The following SMC6 variants were observed in gnomAD, a reference collection of about 807,000 sequenced individuals.
SMC6 encodes the protein structural maintenance of chromosomes 6.
Under a neutral mutation model 142.2 loss-of-function variants are expected in SMC6, and 79 were observed. The observed-to-expected ratio is 0.56, with a 90% CI of 0.46 to 0.67. SMC6 has a LOEUF of 0.67. Ranked by LOEUF, SMC6 falls within the 30% of genes least tolerant of loss-of-function variation. The probability of loss-of-function intolerance (pLI) is 0.00; values close to 1 mark genes in which losing one functional copy is unlikely to be tolerated. For missense variants in SMC6, 1,072 were observed against 1,284.0 expected, an observed-to-expected ratio of 0.83 and a Z score of 2.52; for synonymous variants, 411 against 412.4, an observed-to-expected ratio of 1.00 and a Z score of 0.04.
Position 17,692,896 on chromosome 2 carries a change from G to A in SMC6, c.2678+2256C>T, listed in dbSNP as rs187977879. On this transcript the variant is annotated intron_variant, in intron 23 of 27. Transcript: ENST00000448223. ...CAACCCCATCAACAAGTGGGCGAAG[G>A]ATATGAACAGACACTTCTCAAAAGA... 4.7e-3 allele frequency among the ~76,000 whole-genome samples: 717 copies of A among 152,224 alleles called. 8 individuals are homozygous for A. The highest frequency in any genetic ancestry group is 0.016 in the African/African-American group (673 of 41,546).
At chr2:17,752,273 T>G (rs575468610) in intron 2 of SMC6, among the ~76,000 whole-genome samples, 1 of 152,324 alleles carries the variant, frequency 6.6e-6, no homozygotes, top group South Asian at 2.1e-4. Context: ...AAAAGTTATC[T>G]CTAGATTACT....
At chr2:17,705,659 G>T (rs1181031335) in intron 18 of SMC6, among the ~76,000 whole-genome samples, 1 of 152,108 alleles carries the variant, frequency 6.6e-6, no homozygotes, top group Non-Finnish European at 1.5e-5. Flanking sequence ...AGACAATATT[G>T]TCATTATACA....
At chr2:17,684,850 C>T (rs575230903) in intron 23 of SMC6, among the ~76,000 whole-genome samples, 2 of 152,000 alleles carry the variant, frequency 1.3e-5, no homozygotes, top group Non-Finnish European at 2.9e-5. Context: ...AACAAACAAA[C>T]AAACACGAAC....
chr2:17,731,636 A>T, intron 6 of SMC6, 105 bp downstream of exon 6: 1 of 1,132,220 alleles, frequency 8.8e-7, no homozygotes, highest in Non-Finnish European at 1.3e-6. Context: ...GCACACAACC[A>T]ATCATGTTAC....
At chr2:17,745,383 G>T (rs1301195154) in intron 3 of SMC6, among the ~76,000 whole-genome samples, 2 of 152,102 alleles carry the variant, frequency 1.3e-5, no homozygotes, top group Non-Finnish European at 2.9e-5. Context: ...TAGTTATAGG[G>T]CTATTCAGAT....
At position 17,694,206 on chromosome 2, in the gene SMC6, G is replaced by A. The variant is rs568664380; in HGVS notation, c.2678+946C>T. The stretch of plus-strand genomic sequence containing the variant: ...CAGAGGCTGCAAAGGGTGTGTGTCA[G>A]TGGGATGGGAGGGGTAATTAAAAGA... On this transcript the variant is annotated intron_variant, in intron 23 of 27. Transcript: ENST00000448223. Among the ~76,000 whole-genome samples the A allele has an allele frequency of 2.8e-4, 42 of 152,212 alleles. 1 individual carries two copies. In the South Asian group the frequency reaches 8.7e-3, roughly 32 times the overall value.
chr2:17,716,848 T>C lies in SMC6; in HGVS notation c.1239A>G (p.Leu413=). The C allele has an allele frequency of 1.9e-6, 3 of 1,613,148 alleles. No individual in the cohort carries two copies. The highest frequency in any genetic ancestry group is 2.5e-6 in the Non-Finnish European group (3 of 1,179,734). Residue 413 remains leucine (L), a synonymous_variant, in exon 14 of 28, where the codon TTA becomes TTG. Coordinates refer to ENST00000448223, the MANE Select transcript of SMC6 (RefSeq NM_001142286.2). ...TTTGAAAGGCCTTTACTCTCTCTTT[T>C]AACCAAGATATTTTTTTTTGTCTTT... is the stretch of plus-strand genomic sequence containing the variant. ...RLERQKKISW[L]KERVKAFQNQ...
intron 16 of SMC6, among the ~76,000 whole-genome samples, chr2:17,714,076 ATTTTTTGTT>A (rs1168766930): frequency 3.8e-4 from 54 of 143,334 alleles, no homozygotes; most frequent in African/African-American, 1.2e-3. Flanking sequence ...ATATACATTC[ATTTTTTGTT>A]TTTTTTGTTT....
At chr2:17,740,112 C>G (rs1670368451) in intron 4 of SMC6, among the ~76,000 whole-genome samples, 1 of 152,112 alleles carries the variant, frequency 6.6e-6, no homozygotes, top group Non-Finnish European at 1.5e-5. Context: ...TGCACTGCCT[C>G]CACTATTTGC....
In SMC6 at chr2:17,725,186, AATATC is replaced by A. The variant is rs2125026449; in HGVS notation, c.726+66_726+70del. On this transcript the variant is annotated intron_variant, in intron 9 of 27. Transcript: ENST00000448223. ...TAAATATACAGACACATAGTTTTAC[AATATC>A]ATTTACTGTAAGTACTATAAGAATT... is the stretch of plus-strand genomic sequence containing the variant. 6.3e-5 allele frequency: 61 copies of A among 965,030 alleles called. 2 individuals carry two copies. The South Asian group carries it at 9.1e-4, about 14-fold the overall frequency. 59.8% of individuals were successfully genotyped at this position (965,030 alleles called of 1,614,324 possible).
At chr2:17,732,079 G>A (rs1041073254) in intron 5 of SMC6, among the ~76,000 whole-genome samples, 2 of 152,166 alleles carry the variant, frequency 1.3e-5, no homozygotes, top group Admixed American at 6.6e-5. Context: ...ATAAAGTTGA[G>A]AATAAGTGAA....
intron 25 of SMC6, among the ~76,000 whole-genome samples, chr2:17,670,837 A>G (rs1420986808): frequency 6.6e-6 from 1 of 152,200 alleles, no homozygotes; most frequent in Non-Finnish European, 1.5e-5. Flanking sequence ...CCAAAATTCC[A>G]AAGGCTAATT....
At chr2:17,753,135 C>T (rs760807484) in intron 1 of SMC6, 71 bp from the exon 2 acceptor site, 19 of 532,316 alleles carry the variant, frequency 3.6e-5, no homozygotes, top group Non-Finnish European at 4.3e-5. Context: ...CTAGGTAATA[C>T]AATTTGCATT....
At chr2:17,666,084 A>G (rs910090981) in intron 27 of SMC6, among the ~76,000 whole-genome samples, 1 of 152,238 alleles carries the variant, frequency 6.6e-6, no homozygotes, top group African/African-American at 2.4e-5. Flanking sequence ...TAAGTCACCA[A>G]GAGAAAAGAG....
intron 20 of SMC6, 39 bp downstream of exon 20, chr2:17,701,790 C>A: frequency 8.0e-7 from 1 of 1,256,428 alleles, no homozygotes; most frequent in Admixed American, 2.3e-5. Flanking sequence ...GTGGCTTTAC[C>A]CTTTAATATT....
intron 23 of SMC6, among the ~76,000 whole-genome samples, chr2:17,689,181 A>T (rs1667588837): frequency 2.0e-5 from 3 of 152,178 alleles, no homozygotes; most frequent in African/African-American, 7.2e-5. Context: ...GTGCCTCTGG[A>T]TGTGATACCC....
At chr2:17,677,223 G>A (rs1667031566) in intron 25 of SMC6, among the ~76,000 whole-genome samples, 2 of 152,046 alleles carry the variant, frequency 1.3e-5, no homozygotes, top group African/African-American at 2.4e-5. Context: ...CACTAAAGAG[G>A]GGCCCCCTTT....
intron 6 of SMC6, 124 bp downstream of exon 6, chr2:17,731,617 T>C (rs761729596): frequency 6.7e-5 from 59 of 883,098 alleles, no homozygotes; most frequent in Non-Finnish European, 8.3e-5. Context: ...TGTGTGTGTA[T>C]ATATATATGC....
intron 5 of SMC6, 100 bp downstream of exon 5, chr2:17,738,121 A>T: frequency 1.2e-6 from 1 of 811,766 alleles, no homozygotes; most frequent in Non-Finnish European, 2.0e-6. Flanking sequence ...TGTTCTGGGA[A>T]GGCACTTCAT....
Sources: gnomAD v4.1 joint callset for allele counts (sites outside exome capture counted in the v4.1 genomes callset) on GRCh38, gnomAD v4.1.1 for gene constraint, MANE v1.5 for transcripts, NCBI Gene and HGNC (gene_info 2026-07-23, HGNC 2026-07-21) for gene names.